Variants in ARHGAP12 observed in about 807,000 individuals in gnomAD.
The protein encoded by ARHGAP12 is Rho GTPase activating protein 12.
A neutral mutation model predicts 108.6 loss-of-function variants in ARHGAP12; 64 were observed. The ratio of observed to expected loss-of-function variants is 0.59; its 90% CI spans 0.48 to 0.73. The LOEUF is 0.73. ARHGAP12 is among the 30% of genes least tolerant of loss of function. ARHGAP12 has a pLI of 0.00. For missense variants in ARHGAP12, 940 were observed against 1,005.9 expected, an observed-to-expected ratio of 0.93 and a Z score of 0.89; for synonymous variants, 312 against 337.2, an observed-to-expected ratio of 0.93 and a Z score of 0.82.
At chr10:31,842,392 C>G (rs1836303085) in intron 7 of ARHGAP12, among the ~76,000 whole-genome samples, 1 of 151,988 alleles carries the variant, frequency 6.6e-6, no homozygotes, top group Non-Finnish European at 1.5e-5. Flanking sequence ...TTCAATAGCA[C>G]AGACTCCAGA....
At chr10:31,915,101 C>T (rs1839498877) in intron 1 of ARHGAP12, among the ~76,000 whole-genome samples, 1 of 151,816 alleles carries the variant, frequency 6.6e-6, no homozygotes, top group Non-Finnish European at 1.5e-5. Flanking sequence ...CTCTTAGAAG[C>T]TGAGGCCAGG....
At chr10:31,839,279 T>C (rs746987011) in intron 9 of ARHGAP12, 26 bp downstream of exon 9, 2 of 1,602,818 alleles carry the variant, frequency 1.2e-6, no homozygotes, top group African/African-American at 2.7e-5. Context: ...TCTATGCCTA[T>C]TAAGAAGGAG....
At chr10:31,869,107 G>C (rs1373857729) in intron 3 of ARHGAP12, among the ~76,000 whole-genome samples, 1 of 152,060 alleles carries the variant, frequency 6.6e-6, no homozygotes, top group Admixed American at 6.5e-5. Context: ...AGATAAATCA[G>C]AGTTAAAATG....
At chr10:31,909,593 G>A (rs1394700146) in intron 2 of ARHGAP12, among the ~76,000 whole-genome samples, 2 of 152,176 alleles carry the variant, frequency 1.3e-5, no homozygotes, top group African/African-American at 2.4e-5. Flanking sequence ...AATGACTGGT[G>A]CCTTTATAAG....
At position 31,908,158 on chromosome 10, in the gene ARHGAP12, A is replaced by C. The variant is rs771262168; in HGVS notation, c.684+14T>G. ...GGGTGGTACAGTGTTTCCTCATTCT[A>C]TTTTTAATCTTACCCTTATCTGTTC... On this transcript the variant is annotated intron_variant, in intron 3 of 19. Coordinates refer to ENST00000344936, the MANE Select transcript of ARHGAP12 (RefSeq NM_018287.7). The C allele has an allele frequency of 7.1e-6, 11 of 1,548,598 alleles. No individual in the cohort carries two copies. In the East Asian group the frequency reaches 2.5e-4, roughly 35 times the overall value.
chr10:31,908,200 A>C lies in ARHGAP12; in HGVS notation c.656T>G (p.Leu219Arg). The C allele has an allele frequency of 6.2e-7, 1 of 1,608,832 alleles. No homozygotes were observed. The highest frequency in any genetic ancestry group is 8.5e-7 in the Non-Finnish European group (1 of 1,177,692). The change falls in exon 3 of 20, where the codon CTT becomes CGT. Residue 219 changes from leucine to arginine, a missense_variant. Transcript: ENST00000344936. ...IHQDSESGDE[L>R]SSSSTEQIRA... ...TATCTGTTCAGTGGAGCTGCTGCTA[A>C]GTTCATCACCAGATTCAGAATCTTG...
At chr10:31,916,347 G>A (rs554910259) in intron 1 of ARHGAP12, among the ~76,000 whole-genome samples, 3 of 151,622 alleles carry the variant, frequency 2.0e-5, no homozygotes, top group Admixed American at 6.6e-5. Context: ...CACCACCCCC[G>A]ACACACACGC....
intron 1 of ARHGAP12, among the ~76,000 whole-genome samples, chr10:31,914,964 A>G (rs1839494674): frequency 6.6e-6 from 1 of 152,262 alleles, no homozygotes; most frequent in African/African-American, 2.4e-5. Context: ...CATAAAAAAG[A>G]AGGCAATCCT....
At chr10:31,847,623 C>T (rs932354569) in intron 6 of ARHGAP12, among the ~76,000 whole-genome samples, 2 of 152,110 alleles carry the variant, frequency 1.3e-5, no homozygotes, top group Non-Finnish European at 2.9e-5. Context: ...TAATCCTCTT[C>T]CCACACTCTG....
intron 4 of ARHGAP12, among the ~76,000 whole-genome samples, chr10:31,859,528 G>A (rs2132302194): frequency 6.6e-6 from 1 of 152,252 alleles, no homozygotes; most frequent in East Asian, 1.9e-4. Context: ...GAAGTCGCTG[G>A]AAGATGTGCT....
At chr10:31,810,840 C>A (rs922020283) in intron 15 of ARHGAP12, 93 bp from the exon 16 acceptor site, 5 of 922,094 alleles carry the variant, frequency 5.4e-6, no homozygotes, top group South Asian at 1.4e-5. Flanking sequence ...AAACATCCAG[C>A]GTAACCAAAT....
intron 11 of ARHGAP12, among the ~76,000 whole-genome samples, chr10:31,821,760 AATTT>A (rs1375840497): frequency 1.2e-4 from 18 of 152,170 alleles, no homozygotes; most frequent in Middle Eastern, 3.2e-3. Flanking sequence ...TATTACATGG[AATTT>A]ATTTGTGGAA....
In ARHGAP12 at chr10:31,908,459, T is replaced by G. The variant is rs553867626; in HGVS notation, c.397A>C (p.Asn133His). Residue 133 changes from asparagine (N) to histidine (H), a missense_variant, in exon 3 of 20, where the codon AAT becomes CAT. Coordinates refer to ENST00000344936, the MANE Select transcript of ARHGAP12 (RefSeq NM_018287.7). ...TTATAACTGGGTCCAAAATTCTGAT[T>G]GGCATCACGAATAAGACCTGTTCCT... The part of the protein sequence containing the change: ...VQGTGLIRDA[N>H]QNFGPSYNQG... 3.1e-6 allele frequency: 5 copies of G among 1,614,114 alleles called. No homozygotes were observed. The highest frequency in any genetic ancestry group is 4.2e-6 in the Non-Finnish European group (5 of 1,180,046).
At chr10:31,832,871 A>G (rs540478599) in intron 9 of ARHGAP12, among the ~76,000 whole-genome samples, 2 of 152,174 alleles carry the variant, frequency 1.3e-5, no homozygotes, top group African/African-American at 2.4e-5. Context: ...ACAAACTGCT[A>G]TGTCAATTTA....
chr10:31,839,725 G>A lies in ARHGAP12; in HGVS notation c.1297-14C>T, dbSNP rs1292726763. 3.8e-6 allele frequency: 6 copies of A among 1,587,174 alleles called. No individual in the cohort carries two copies. The highest frequency in any genetic ancestry group is 1.3e-5 in the African/African-American group (1 of 74,288). Reference sequence around the variant, plus strand: ...AGTTGGAGATTCCTACAAGAAATAAGTAATGAAAAAAGTTACTCTATTTTA... The same window carrying A: ...AGTTGGAGATTCCTACAAGAAATAAATAATGAAAAAAGTTACTCTATTTTA... On this transcript the variant is annotated splice_polypyrimidine_tract_variant and intron_variant, in intron 7 of 19. Coordinates refer to ENST00000344936, the MANE Select transcript of ARHGAP12 (RefSeq NM_018287.7).
chr10:31,882,669 TG>T (rs1316956335), intron 3 of ARHGAP12, among the ~76,000 whole-genome samples: 1 of 151,586 alleles, frequency 6.6e-6, no homozygotes, highest in Non-Finnish European at 1.5e-5. Context: ...AAAAACTACG[TG>T]GGCGTGGTGG....
chr10:31,881,494 C>T (rs1359539419), intron 3 of ARHGAP12, among the ~76,000 whole-genome samples: 1 of 152,136 alleles, frequency 6.6e-6, no homozygotes, highest in Non-Finnish European at 1.5e-5. Flanking sequence ...GAATAGAAGT[C>T]CACAAAGTTT....
chr10:31,872,063 CTTCA>C (rs1345468498), intron 3 of ARHGAP12, among the ~76,000 whole-genome samples: 3 of 152,174 alleles, frequency 2.0e-5, no homozygotes, highest in African/African-American at 4.8e-5. Context: ...CCTTCTAGAA[CTTCA>C]TTCTCTTTAA....
intron 3 of ARHGAP12, among the ~76,000 whole-genome samples, chr10:31,867,862 T>C (rs753072785): frequency 2.0e-5 from 3 of 151,240 alleles, no homozygotes; most frequent in Non-Finnish European, 4.4e-5. Context: ...GAGGCAATAC[T>C]AATACTAGCA....
Sources: gnomAD v4.1 joint callset for allele counts (sites outside exome capture counted in the v4.1 genomes callset) on GRCh38, gnomAD v4.1.1 for gene constraint, MANE v1.5 for transcripts, NCBI Gene and HGNC (gene_info 2026-07-23, HGNC 2026-07-21) for gene names.